Variants in KIAA0930 observed in about 807,000 individuals in gnomAD.
The protein encoded by KIAA0930 is uncharacterized protein KIAA0930.
KIAA0930 carries 24 observed loss-of-function variants against 43.9 expected under a neutral mutation model. The observed-to-expected ratio is 0.55, with a 90% CI of 0.40 to 0.77. The LOEUF (loss-of-function observed/expected upper bound fraction) is 0.77. Ranked by LOEUF, KIAA0930 falls within the 30% of genes least tolerant of loss-of-function variation. The probability of loss-of-function intolerance (pLI) is 0.00; values close to 1 mark genes in which losing one functional copy is unlikely to be tolerated. For missense variants in KIAA0930, 461 were observed against 574.2 expected (o/e 0.80, Z 2.02); for synonymous variants, 259 against 216.4 (o/e 1.20, Z -1.73).
intron 1 of KIAA0930, among the ~76,000 whole-genome samples, chr22:45,231,234 A>G (rs1000917243): frequency 2.0e-5 from 3 of 151,876 alleles, no homozygotes; most frequent in Non-Finnish European, 4.4e-5. Flanking sequence ...AAAAAAAAAA[A>G]AAAAAAGAAA....
chr22:45,215,229 T>C (rs2083724341), intron 1 of KIAA0930, among the ~76,000 whole-genome samples: 1 of 152,132 alleles, frequency 6.6e-6, no homozygotes, highest in African/African-American at 2.4e-5. Context: ...AAAAATTAAT[T>C]AATTTAAAAA....
At chr22:45,200,207 G>A (rs2083575204) in intron 7 of KIAA0930, 172 bp from the exon 8 acceptor site, 2 of 557,576 alleles carry the variant, frequency 3.6e-6, no homozygotes, top group Non-Finnish European at 5.9e-6. Context: ...CCTAGAGACT[G>A]GAAGATGCGT....
chr22:45,213,375 A>G, intron 1 of KIAA0930: 1 of 1,303,380 alleles, frequency 7.7e-7, no homozygotes. Context: ...AGGGAGGAAA[A>G]GAGAAGGAGG....
At chr22:45,206,014 C>G (rs979721342) in intron 2 of KIAA0930, 102 bp from the exon 3 acceptor site, 2 of 1,531,892 alleles carry the variant, frequency 1.3e-6, no homozygotes, top group Non-Finnish European at 1.7e-6. Context: ...GACTCCAATT[C>G]TTTTTTCTTA....
chr22:45,202,921 G>A (rs1210933642), intron 7 of KIAA0930, 69 bp downstream of exon 7: 25 of 1,356,626 alleles, frequency 1.8e-5, no homozygotes, highest in Non-Finnish European at 2.4e-5. Context: ...GGGGCCGTGA[G>A]CACGGGGGAG....
At chr22:45,235,008 T>A (rs200245625) in intron 1 of KIAA0930, among the ~76,000 whole-genome samples, 1 of 149,444 alleles carries the variant, frequency 6.7e-6, no homozygotes, top group Non-Finnish European at 1.5e-5. Context: ...ACTTTTTTTT[T>A]AATTAGAAAA....
chr22:45,226,547 G>A (rs915170206), intron 1 of KIAA0930, among the ~76,000 whole-genome samples: 1 of 151,218 alleles, frequency 6.6e-6, no homozygotes, highest in African/African-American at 2.4e-5. Flanking sequence ...TGCCCGCCCC[G>A]ACCCCACAGC....
At chr22:45,212,390 A>G in intron 1 of KIAA0930, 1 of 1,580,456 alleles carries the variant, frequency 6.3e-7, no homozygotes, top group Non-Finnish European at 8.6e-7. Flanking sequence ...GGGATGAATC[A>G]GCAGCTTCGG....
At chr22:45,222,943 A>G (rs2083776115) in intron 1 of KIAA0930, among the ~76,000 whole-genome samples, 1 of 152,204 alleles carries the variant, frequency 6.6e-6, no homozygotes, top group African/African-American at 2.4e-5. Flanking sequence ...CAGGTCAAAG[A>G]GGATGTGGAG....
At chr22:45,229,619 G>A (rs981181753) in intron 1 of KIAA0930, among the ~76,000 whole-genome samples, 1 of 152,212 alleles carries the variant, frequency 6.6e-6, no homozygotes, top group East Asian at 1.9e-4. Flanking sequence ...AAGGGCCCTA[G>A]AGCCAAGGGC....
In KIAA0930 at chr22:45,204,064, G is replaced by C; in HGVS notation, c.517-79C>G. On this transcript the variant is annotated intron_variant, in intron 5 of 9. Coordinates refer to ENST00000336156, the MANE Select transcript of KIAA0930 (RefSeq NM_001009880.2). ...ACCACAGCCTGGCCCAACTGGCAGGGAGGGCTGCTCAGAAAACCCCATTTT... is the reference window on the plus strand; with the variant it reads ...ACCACAGCCTGGCCCAACTGGCAGGCAGGGCTGCTCAGAAAACCCCATTTT... 3 of 1,585,736 alleles carry C rather than the reference G, an allele frequency of 1.9e-6. No homozygotes were observed. The South Asian group carries it at 3.4e-5, about 18-fold the overall frequency.
chr22:45,203,758 G>A, intron 6 of KIAA0930, 87 bp downstream of exon 6: 1 of 1,480,814 alleles, frequency 6.8e-7, no homozygotes, highest in Non-Finnish European at 9.1e-7. Context: ...AAGCAGGCTG[G>A]GGGGCCCCAT....
intron 8 of KIAA0930, among the ~76,000 whole-genome samples, chr22:45,198,309 A>G (rs1002550013): frequency 2.6e-4 from 39 of 152,368 alleles, no homozygotes; most frequent in Non-Finnish European, 2.4e-4. Flanking sequence ...CCTGCAGAGC[A>G]TGGGAGCAGC....
intron 2 of KIAA0930, among the ~76,000 whole-genome samples, chr22:45,209,126 C>A (rs1279044157): frequency 6.6e-6 from 1 of 152,142 alleles, no homozygotes; most frequent in Non-Finnish European, 1.5e-5. Context: ...TCCTGTCCCC[C>A]TGACACTGCA....
At chr22:45,228,000 G>A (rs1008567942) in intron 1 of KIAA0930, among the ~76,000 whole-genome samples, 2 of 152,194 alleles carry the variant, frequency 1.3e-5, no homozygotes, top group Non-Finnish European at 2.9e-5. Context: ...CTCAGGGATG[G>A]CCCAGGTCAG....
At chr22:45,203,778 C>T (rs1337533805) in intron 6 of KIAA0930, 67 bp downstream of exon 6, 15 of 1,555,028 alleles carry the variant, frequency 9.6e-6, no homozygotes, top group Non-Finnish European at 1.3e-5. Context: ...TGGTATGGAC[C>T]ACGGTGGGCT....
intron 1 of KIAA0930, among the ~76,000 whole-genome samples, chr22:45,215,048 T>A (rs753075729): frequency 1.3e-5 from 2 of 152,156 alleles, no homozygotes; most frequent in Non-Finnish European, 2.9e-5. Context: ...TGAAACCCCA[T>A]GTCTATTAAA....
intron 1 of KIAA0930, among the ~76,000 whole-genome samples, chr22:45,232,813 C>T (rs2083862522): frequency 6.6e-6 from 1 of 152,162 alleles, no homozygotes; most frequent in South Asian, 2.1e-4. Flanking sequence ...ACCGCCTCTC[C>T]ATGTGGTGGG....
chr22:45,218,334 T>G (rs1179973437), intron 1 of KIAA0930, among the ~76,000 whole-genome samples: 1 of 28,552 alleles, frequency 3.5e-5, no homozygotes, highest in Admixed American at 2.7e-4. Context: ...ATTTTTTTGA[T>G]TTTTTTTTTT....
Sources: allele counts gnomAD v4.1 joint callset (sites outside exome capture counted in the v4.1 genomes callset), GRCh38; gene constraint gnomAD v4.1.1; transcripts MANE v1.5; gene names NCBI Gene and HGNC (gene_info 2026-07-23, HGNC 2026-07-21).